The following PPIL6 variants were observed in gnomAD, a reference collection of about 807,000 sequenced individuals.
PPIL6 encodes probable inactive peptidyl-prolyl cis-trans isomerase-like 6.
In PPIL6, 39 loss-of-function variants were observed where a neutral mutation model predicts 36.8. That is an observed-to-expected ratio of 1.06 (90% CI 0.82 to 1.38). The LOEUF (loss-of-function observed/expected upper bound fraction) is 1.38, where lower values mean the gene tolerates loss of function less well. Ranked by LOEUF, PPIL6 falls within the 40% of genes most tolerant of loss-of-function variation. The pLI is 0.00. For missense variants in PPIL6, 368 were observed against 379.1 expected (o/e 0.97, Z 0.24); for synonymous variants, 123 against 134.1 (o/e 0.92, Z 0.57).
At chr6:109,396,103 TCTCTA>T (rs1307010397) in intron 7 of PPIL6, among the ~76,000 whole-genome samples, 8 of 152,044 alleles carry the variant, frequency 5.3e-5, no homozygotes, top group Non-Finnish European at 1.0e-4. Context: ...CCAAAGTGCT[TCTCTA>T]CTCTAACTTC....
intron 5 of PPIL6, among the ~76,000 whole-genome samples, chr6:109,424,328 A>G (rs558393014): frequency 2.0e-4 from 31 of 152,284 alleles, no homozygotes; most frequent in African/African-American, 7.5e-4. Flanking sequence ...TGTGCTTAGG[A>G]GGCAGCCAGA....
At chr6:109,400,991 C>T (rs993071454) in intron 6 of PPIL6, among the ~76,000 whole-genome samples, 4 of 150,616 alleles carry the variant, frequency 2.7e-5, no homozygotes, top group Non-Finnish European at 4.4e-5. Context: ...TCCCGAGTAG[C>T]TGGGACTACA....
chr6:109,439,146 G>T (rs955328186), intron 1 of PPIL6, among the ~76,000 whole-genome samples: 1 of 152,000 alleles, frequency 6.6e-6, no homozygotes, highest in East Asian at 1.9e-4. Flanking sequence ...AGTCGGCACA[G>T]AAAATATGTG....
At chr6:109,402,387 T>G (rs1426107167) in intron 6 of PPIL6, among the ~76,000 whole-genome samples, 1 of 152,038 alleles carries the variant, frequency 6.6e-6, no homozygotes, top group African/African-American at 2.4e-5. Flanking sequence ...AACACAAAAA[T>G]TAGCTGGGTG....
chr6:109,391,450 A>G lies in PPIL6; in HGVS notation c.*1376T>C, dbSNP rs916417677. On this transcript the variant is annotated 3_prime_UTR_variant, in exon 8 of 8. Coordinates refer to ENST00000521072, the MANE Select transcript of PPIL6 (RefSeq NM_173672.5). ...CCATGGGGACTGGAACCAGTTCCTT[A>G]TGTCTTGCAGTGATTCCCAGATGAC... 6.6e-6 allele frequency: 1 copy of G among 152,074 alleles called. No individual in the cohort carries two copies. Among genetic ancestry groups the G allele is most frequent in the African/African-American group, 2.4e-5 (1 of 41,400 alleles). 9.4% of individuals were successfully genotyped at this position (152,074 alleles called of 1,614,324 possible).
intron 7 of PPIL6, 148 bp from the exon 8 acceptor site, chr6:109,393,085 T>C: frequency 5.2e-6 from 3 of 581,284 alleles, no homozygotes; most frequent in Non-Finnish European, 9.1e-6. Flanking sequence ...TAAACCTCTC[T>C]GGATGTGTGC....
intron 6 of PPIL6, among the ~76,000 whole-genome samples, chr6:109,400,495 G>C (rs557911395): frequency 2.6e-5 from 4 of 152,088 alleles, no homozygotes; most frequent in African/African-American, 7.2e-5. Flanking sequence ...AAACTTTCTC[G>C]TGCTGTTTTG....
chr6:109,408,853 T>C (rs941439372), intron 6 of PPIL6, among the ~76,000 whole-genome samples: 4 of 152,216 alleles, frequency 2.6e-5, no homozygotes, highest in Non-Finnish European at 1.5e-5. Flanking sequence ...GAGGGAATAC[T>C]TCTAAACTCA....
Position 109,414,448 on chromosome 6 carries a change from T to C in PPIL6, c.688+4739A>G, listed in dbSNP as rs548601699. 1.4e-3 allele frequency among the ~76,000 whole-genome samples: 207 copies of C among 151,560 alleles called. 3 individuals are homozygous for C. The highest frequency in any genetic ancestry group is 3.5e-3 in the African/African-American group (145 of 41,368). The stretch of plus-strand genomic sequence containing the variant: ...ATTCTGATTTATGAGCTCTTTCATG[T>C]CTTGTATCATTTTCTTAATGTCTTT... On this transcript the variant is annotated intron_variant, in intron 6 of 7. Transcript: ENST00000521072.
rs954714738 is a variant in PPIL6 at position 109,392,738 on chromosome 6, C to T, written c.*88G>A. The T allele has an allele frequency of 1.6e-5, 13 of 835,440 alleles. No homozygotes were observed. Among genetic ancestry groups the T allele is most frequent in the African/African-American group, 5.2e-5 (3 of 57,580 alleles). 51.8% of individuals were successfully genotyped at this position (835,440 alleles called of 1,614,324 possible). A position where few individuals can be genotyped will look rare whatever the true frequency, so the allele number is the denominator to read the frequency against. ...AGTGTCTGCCACGGCTTTCAAATTA[C>T]AATTTATCAAGTACTTTTTAATTAA... On this transcript the variant is annotated 3_prime_UTR_variant, in exon 8 of 8. Coordinates refer to ENST00000521072, the MANE Select transcript of PPIL6 (RefSeq NM_173672.5).
At chr6:109,402,117 T>C (rs1028718229) in intron 6 of PPIL6, among the ~76,000 whole-genome samples, 3 of 152,144 alleles carry the variant, frequency 2.0e-5, no homozygotes, top group African/African-American at 7.2e-5. Flanking sequence ...GGAAAGAAAA[T>C]TGATGAGTTG....
At chr6:109,416,190 T>C (rs1399773922) in intron 6 of PPIL6, among the ~76,000 whole-genome samples, 6 of 147,088 alleles carry the variant, frequency 4.1e-5, no homozygotes, top group Non-Finnish European at 8.9e-5. Flanking sequence ...CTAATAAATG[T>C]CTTTTGTGGC....
intron 6 of PPIL6, 115 bp from the exon 7 acceptor site, chr6:109,400,285 GA>G: frequency 1.3e-6 from 1 of 785,384 alleles, no homozygotes; most frequent in Non-Finnish European, 1.9e-6. Context: ...TTTATCAATG[GA>G]TTCCAAATTG....
At chr6:109,403,369 C>T (rs1772644359) in intron 6 of PPIL6, among the ~76,000 whole-genome samples, 1 of 152,054 alleles carries the variant, frequency 6.6e-6, no homozygotes, top group South Asian at 2.1e-4. Flanking sequence ...ACACTTAAAA[C>T]ATTAAGTTGC....
In PPIL6 at chr6:109,431,362, C is replaced by A. The variant is rs199623673; in HGVS notation, c.232-17G>T. 71,992 of 1,064,580 alleles carry A rather than the reference C, an allele frequency of 0.068. 31 individuals are homozygous for A. Among genetic ancestry groups the A allele is most frequent in the South Asian group, 0.22 (9,803 of 44,548 alleles). 65.9% of individuals were successfully genotyped at this position (1,064,580 alleles called of 1,614,324 possible). A position where few individuals can be genotyped will look rare whatever the true frequency, so the allele number is the denominator to read the frequency against. ...TTTGAGTTCCTGTAAGGGAAAAGGACAAAAAAAAAAAAAAACGTAAGAAGT... is the reference window on the plus strand; with the variant it reads ...TTTGAGTTCCTGTAAGGGAAAAGGAAAAAAAAAAAAAAAAACGTAAGAAGT... On this transcript the variant is annotated splice_polypyrimidine_tract_variant and intron_variant, in intron 2 of 7. Coordinates refer to ENST00000521072, the MANE Select transcript of PPIL6 (RefSeq NM_173672.5).
At chr6:109,439,258 AG>A (rs1415166382) in intron 1 of PPIL6, among the ~76,000 whole-genome samples, 1 of 152,244 alleles carries the variant, frequency 6.6e-6, no homozygotes, top group East Asian at 1.9e-4. Context: ...TGGTAATAAA[AG>A]GTTGCTGATC....
chr6:109,441,068 C>A, upstream of PPIL6: 2 of 1,594,728 alleles, frequency 1.3e-6, no homozygotes, highest in Non-Finnish European at 8.6e-7. Flanking sequence ...CCGTCCCCAC[C>A]GCGGCCGTCG....
In PPIL6 at chr6:109,390,673, A is replaced by T. The variant is rs889563368; in HGVS notation, c.*2153T>A. 1 of 152,224 alleles carries T rather than the reference A, an allele frequency of 6.6e-6. No individual in the cohort carries two copies. The highest frequency in any genetic ancestry group is 2.4e-5 in the African/African-American group (1 of 41,436). 9.4% of individuals were successfully genotyped at this position (152,224 alleles called of 1,614,324 possible). A position where few individuals can be genotyped will look rare whatever the true frequency, so the allele number is the denominator to read the frequency against. ...GTCTTTGAGGTGCTGGAAAGGTTCT[A>T]TATTTTCTCTATAGTGTTGGTTACA... On this transcript the variant is annotated 3_prime_UTR_variant, in exon 8 of 8. Coordinates refer to ENST00000521072, the MANE Select transcript of PPIL6 (RefSeq NM_173672.5).
chr6:109,423,998 T>C (rs1455130238), intron 5 of PPIL6, among the ~76,000 whole-genome samples: 1 of 152,058 alleles, frequency 6.6e-6, no homozygotes, highest in Non-Finnish European at 1.5e-5. Context: ...CCCATGGAAT[T>C]TAGAGAAACA....
Sources: allele counts gnomAD v4.1 joint callset (sites outside exome capture counted in the v4.1 genomes callset), GRCh38; gene constraint gnomAD v4.1.1; transcripts MANE v1.5; gene names NCBI Gene and HGNC (gene_info 2026-07-23, HGNC 2026-07-21).